SPTLC1: variants seen among roughly 807,000 people sequenced by gnomAD.
The protein encoded by SPTLC1 is serine palmitoyltransferase 1.
In SPTLC1, 55 loss-of-function variants were observed where a neutral mutation model predicts 68.9. The ratio of observed to expected loss-of-function variants is 0.80; its 90% CI spans 0.64 to 1.00. The LOEUF (loss-of-function observed/expected upper bound fraction) is 1.00. SPTLC1 is among the 50% of genes least tolerant of loss of function. SPTLC1 has a pLI of 0.00. For synonymous variants in SPTLC1, 197 were observed against 201.6 expected (o/e 0.98, Z 0.19); for missense variants, 449 against 573.1 (o/e 0.78, Z 2.21).
At chr9:92,047,472 T>A in intron 10 of SPTLC1, 141 bp downstream of exon 10, 1 of 743,760 alleles carries the variant, frequency 1.3e-6, no homozygotes, top group African/African-American at 1.8e-5. Context: ...AGAAATATTT[T>A]GAGTGATTCT....
chr9:92,051,657 T>C (rs1833708508), intron 8 of SPTLC1, among the ~76,000 whole-genome samples: 3 of 152,174 alleles, frequency 2.0e-5, no homozygotes, highest in East Asian at 1.9e-4. Flanking sequence ...GGCATCCAAA[T>C]TGAAAAGAAA....
chr9:92,100,743 C>G (rs1223357498), intron 3 of SPTLC1, among the ~76,000 whole-genome samples: 2 of 151,934 alleles, frequency 1.3e-5, no homozygotes, highest in Non-Finnish European at 2.9e-5. Flanking sequence ...CTCCCCCAGC[C>G]CCCAGTCCTG....
At chr9:92,069,169 C>T (rs780351863) in intron 5 of SPTLC1, among the ~76,000 whole-genome samples, 2 of 152,158 alleles carry the variant, frequency 1.3e-5, no homozygotes, top group Non-Finnish European at 2.9e-5. Flanking sequence ...CAATGGCAGG[C>T]GGTCTGGGCA....
chr9:92,079,948 G>A (rs773218194), intron 5 of SPTLC1, 68 bp downstream of exon 5: 41 of 1,371,488 alleles, frequency 3.0e-5, no homozygotes, highest in Non-Finnish European at 4.1e-5. Context: ...GAGCCACCAT[G>A]CCCAGCCTAA....
At chr9:92,067,543 G>A (rs1834336757) in intron 6 of SPTLC1, among the ~76,000 whole-genome samples, 1 of 152,188 alleles carries the variant, frequency 6.6e-6, no homozygotes, top group Non-Finnish European at 1.5e-5. Context: ...TCAAAGAAGT[G>A]TCCAAGTCAC....
At chr9:92,099,762 A>AT (rs1204847840) in intron 3 of SPTLC1, among the ~76,000 whole-genome samples, 1 of 152,166 alleles carries the variant, frequency 6.6e-6, no homozygotes, top group Admixed American at 6.5e-5. Flanking sequence ...GATTGCAGGC[A>AT]TGAGCCATCA....
At chr9:92,070,512 G>A (rs190015825) in intron 5 of SPTLC1, among the ~76,000 whole-genome samples, 4 of 152,244 alleles carry the variant, frequency 2.6e-5, no homozygotes, top group South Asian at 4.1e-4. Flanking sequence ...GAATGCCTCC[G>A]CACACCTCAC....
chr9:92,049,706 C>G (rs1296922720), intron 9 of SPTLC1, among the ~76,000 whole-genome samples: 1 of 152,230 alleles, frequency 6.6e-6, no homozygotes, highest in Admixed American at 6.5e-5. Flanking sequence ...AAAGTCTATT[C>G]GAATGAAACT....
At chr9:92,071,299 C>CT (rs1158992183) in intron 5 of SPTLC1, among the ~76,000 whole-genome samples, 1 of 151,656 alleles carries the variant, frequency 6.6e-6, no homozygotes, top group Non-Finnish European at 1.5e-5. Context: ...ACCTGGGAGG[C>CT]TGAGGCAGGA....
intron 3 of SPTLC1, chr9:92,105,524 T>C (rs1380973894): frequency 1.6e-5 from 10 of 626,982 alleles, no homozygotes; most frequent in Non-Finnish European, 2.2e-5. Context: ...CATCTCTGCC[T>C]GTACCATCTG....
chr9:92,108,559 A>C (rs1417837721), intron 3 of SPTLC1, 181 bp downstream of exon 3: 12 of 778,544 alleles, frequency 1.5e-5, no homozygotes, highest in Non-Finnish European at 2.0e-6. Context: ...GAGATTTTAA[A>C]AAATGCCTGT....
chr9:92,110,846 A>G (rs1836208056), intron 2 of SPTLC1: 1 of 152,232 alleles, frequency 6.6e-6, no homozygotes, highest in African/African-American at 2.4e-5. Flanking sequence ...GACTATGTAC[A>G]AAATCTAAAT....
intron 4 of SPTLC1, 42 bp from the exon 5 acceptor site, chr9:92,080,130 T>C: frequency 1.3e-6 from 2 of 1,524,390 alleles, no homozygotes; most frequent in Admixed American, 1.7e-5. Flanking sequence ...AATTTATCTT[T>C]AAGAGTTCAA....
intron 3 of SPTLC1, among the ~76,000 whole-genome samples, chr9:92,082,060 C>A (rs750767334): frequency 6.6e-6 from 1 of 152,106 alleles, no homozygotes; most frequent in Non-Finnish European, 1.5e-5. Flanking sequence ...TGGCTATTGA[C>A]GATTCAGAAG....
At chr9:92,104,858 A>C (rs1436647318) in intron 3 of SPTLC1, 15 of 1,531,078 alleles carry the variant, frequency 9.8e-6, no homozygotes, top group Admixed American at 2.0e-5. Context: ...GACAGAAAAC[A>C]ACCAGACTGA....
In SPTLC1 at chr9:92,087,718, G is replaced by A. The variant is rs537293895; in HGVS notation, c.261-6755C>T. 3.9e-5 allele frequency among the ~76,000 whole-genome samples: 6 copies of A among 152,356 alleles called. No individual in the cohort carries two copies. In the South Asian group the frequency reaches 1.2e-3, roughly 32 times the overall value. ...GGTCAGGGACCCACTTGAGGAGGCA[G>A]TCTGCCCGTTCTCAGATCTCCAGCT... On this transcript the variant is annotated intron_variant, in intron 3 of 14. Transcript: ENST00000262554.
intron 12 of SPTLC1, among the ~76,000 whole-genome samples, chr9:92,045,042 T>A (rs1213007426): frequency 1.3e-5 from 2 of 152,224 alleles, no homozygotes; most frequent in Non-Finnish European, 2.9e-5. Context: ...CCAATGGAAC[T>A]GGAACCAATA....
intron 9 of SPTLC1, among the ~76,000 whole-genome samples, 178 bp from the exon 10 acceptor site, chr9:92,047,886 G>C (rs1833576468): frequency 1.3e-5 from 2 of 152,164 alleles, no homozygotes; most frequent in Non-Finnish European, 2.9e-5. Context: ...ATGAACTGTA[G>C]TCTCATGGCC....
At chr9:92,096,442 T>TATGGTG (rs1384526930) in intron 3 of SPTLC1, among the ~76,000 whole-genome samples, 2 of 152,204 alleles carry the variant, frequency 1.3e-5, no homozygotes, top group East Asian at 3.8e-4. Context: ...ACAATTTTTA[T>TATGGTG]TTAGCAATTA....
Sources: allele counts gnomAD v4.1 joint callset (sites outside exome capture counted in the v4.1 genomes callset), GRCh38; gene constraint gnomAD v4.1.1; transcripts MANE v1.5; gene names NCBI Gene and HGNC (gene_info 2026-07-23, HGNC 2026-07-21).